Variants in LRBA observed in about 807,000 individuals in gnomAD.
LRBA encodes the protein LPS responsive beige-like anchor protein.
A neutral mutation model predicts 330.0 loss-of-function variants in LRBA; 176 were observed. That is an observed-to-expected ratio of 0.53 (90% CI 0.47 to 0.60). LRBA has a LOEUF of 0.60. LRBA is among the 20% of genes least tolerant of loss of function. The probability of loss-of-function intolerance (pLI) is 0.00; values close to 1 mark genes in which losing one functional copy is unlikely to be tolerated. For missense variants in LRBA, 3,259 were observed against 3,444.8 expected (o/e 0.95, Z 1.35); for synonymous variants, 1,230 against 1,193.0 (o/e 1.03, Z -0.64).
chr4:150,636,788 C>A (rs192818599), intron 37 of LRBA, among the ~76,000 whole-genome samples: 1 of 152,192 alleles, frequency 6.6e-6, no homozygotes, highest in African/African-American at 2.4e-5. Flanking sequence ...ATTGGCACCA[C>A]AGACATGCAC....
Position 150,302,660 on chromosome 4 carries a change from T to C in LRBA, c.7982A>G (p.Asn2661Ser). The C allele has an allele frequency of 5.0e-6, 8 of 1,612,650 alleles. No homozygotes were observed. Among genetic ancestry groups the C allele is most frequent in the Non-Finnish European group, 6.8e-6 (8 of 1,179,174 alleles). The change falls in exon 53 of 57, where the codon AAT becomes AGT. Residue 2661 changes from asparagine to serine, a missense_variant. Transcript: ENST00000651943. ...RDATLLLWYW[N>S]GKCSGIGDNP... is the part of the protein sequence containing the mutation. ...ATCTCCAATCCCACTGCATTTTCCA[T>C]TCCAATACCACAGCAAAAGAGTTGC...
intron 34 of LRBA, among the ~76,000 whole-genome samples, chr4:150,796,986 G>C (rs558330588): frequency 6.6e-6 from 1 of 151,926 alleles, no homozygotes; most frequent in African/African-American, 2.4e-5. Flanking sequence ...TATAGAACAT[G>C]ATTCTCAGTA....
chr4:150,506,625 T>C, intron 40 of LRBA, among the ~76,000 whole-genome samples: 1 of 152,236 alleles, frequency 6.6e-6, no homozygotes, highest in Non-Finnish European at 1.5e-5. Flanking sequence ...AATATCATAC[T>C]GAATGGACAA....
intron 43 of LRBA, among the ~76,000 whole-genome samples, chr4:150,468,336 C>T (rs1453495532): frequency 1.3e-5 from 2 of 152,016 alleles, no homozygotes; most frequent in East Asian, 3.8e-4. Flanking sequence ...TTTTCAAATC[C>T]TATAATCCTC....
rs565221144 is a variant in LRBA at position 150,335,444 on chromosome 4, C to T, written c.7363-9546G>A. ...ACACATATATACATATATATATACACGTATATATGTGTATATATGTGTATA... is the reference window on the plus strand; with the variant it reads ...ACACATATATACATATATATATACATGTATATATGTGTATATATGTGTATA... On this transcript the variant is annotated intron_variant, in intron 48 of 56. Transcript: ENST00000651943. Among the ~76,000 whole-genome samples, 27 of 145,192 alleles carry T rather than the reference C, an allele frequency of 1.9e-4. 1 individual carries two copies. Among genetic ancestry groups the T allele is most frequent in the South Asian group, 4.3e-4 (2 of 4,604 alleles).
intron 28 of LRBA, among the ~76,000 whole-genome samples, chr4:150,842,344 T>C (rs1380766636): frequency 1.3e-5 from 2 of 152,100 alleles, no homozygotes; most frequent in Admixed American, 1.3e-4. Flanking sequence ...CAGGCTGTAG[T>C]GACACAATCA....
intron 40 of LRBA, among the ~76,000 whole-genome samples, chr4:150,496,587 G>A (rs1035296302): frequency 1.3e-5 from 2 of 151,812 alleles, no homozygotes; most frequent in African/African-American, 2.4e-5. Context: ...TCAAAAAAAA[G>A]AAATACTTAC....
Position 150,302,731 on chromosome 4 carries a change from C to T in LRBA, c.7911G>A (p.Glu2637=), listed in dbSNP as rs2126848406. The change falls in exon 53 of 57, where the codon GAG becomes GAA. Residue 2637 remains glutamate, a synonymous_variant. Transcript: ENST00000651943. The stretch of plus-strand genomic sequence containing the variant: ...TGTAGCAATTTCCCCCAATATATGA[C>T]TCAGAACGAGCAAGGCAAGTGACGA... ...WDVVTCLARS[E]SYIGGNCYIL... 3.1e-6 allele frequency: 5 copies of T among 1,611,432 alleles called. No homozygotes were observed. In the African/African-American group the frequency reaches 5.3e-5, roughly 17 times the overall value.
intron 47 of LRBA, among the ~76,000 whole-genome samples, chr4:150,371,958 G>C (rs899877272): frequency 2.0e-5 from 3 of 152,094 alleles, no homozygotes; most frequent in Admixed American, 6.5e-5. Flanking sequence ...GATAGCTTCA[G>C]CATTTCATCT....
Position 150,936,602 on chromosome 4 carries a change from T to C in LRBA, c.217-7537A>G, listed in dbSNP as rs985531438. ...TAGTAATTCCATAATTATATAATGA[T>C]TATAACTTCAAAATAACTTTTTAGT... On this transcript the variant is annotated intron_variant, in intron 2 of 56. Transcript: ENST00000651943. Among the ~76,000 whole-genome samples, 25 of 152,082 alleles carry C rather than the reference T, an allele frequency of 1.6e-4. 1 individual carries two copies. The highest frequency in any genetic ancestry group is 4.6e-4 in the African/African-American group (19 of 41,550).
intron 40 of LRBA, among the ~76,000 whole-genome samples, chr4:150,551,777 G>C (rs1766627857): frequency 6.6e-6 from 1 of 152,136 alleles, no homozygotes; most frequent in South Asian, 2.1e-4. Flanking sequence ...GAAAATGACT[G>C]TTAAGTCCCA....
At chr4:150,780,631 G>A (rs1416899242) in intron 34 of LRBA, among the ~76,000 whole-genome samples, 4 of 136,950 alleles carry the variant, frequency 2.9e-5, no homozygotes, top group South Asian at 4.4e-4. Flanking sequence ...ATATATACAC[G>A]TATATATATA....
chr4:150,837,836 G>C (rs1748388063), intron 28 of LRBA, among the ~76,000 whole-genome samples: 3 of 152,192 alleles, frequency 2.0e-5, no homozygotes, highest in African/African-American at 7.2e-5. Context: ...CTGTCATTAT[G>C]ATGTTAGCTG....
intron 2 of LRBA, among the ~76,000 whole-genome samples, chr4:151,004,120 T>C (rs1477445052): frequency 6.6e-6 from 1 of 152,084 alleles, no homozygotes; most frequent in Non-Finnish European, 1.5e-5. Context: ...GGTTTCGCCA[T>C]GCTGCCCAAC....
chr4:150,669,115 T>C (rs914948967), intron 37 of LRBA, among the ~76,000 whole-genome samples: 1 of 152,210 alleles, frequency 6.6e-6, no homozygotes, highest in Non-Finnish European at 1.5e-5. Context: ...ACACAGTTTA[T>C]AAAATCTGTG....
At chr4:150,949,377 T>C (rs1045843958) in intron 2 of LRBA, among the ~76,000 whole-genome samples, 1 of 151,994 alleles carries the variant, frequency 6.6e-6, no homozygotes, top group Non-Finnish European at 1.5e-5. Flanking sequence ...GACAAAAATA[T>C]AGAAATTGAG....
At chr4:150,699,181 T>TCA (rs1784899880) in intron 36 of LRBA, among the ~76,000 whole-genome samples, 1 of 152,062 alleles carries the variant, frequency 6.6e-6, no homozygotes, top group Admixed American at 6.6e-5. Context: ...AAAAGAGCTC[T>TCA]CACTGTTGGA....
intron 37 of LRBA, among the ~76,000 whole-genome samples, chr4:150,621,623 A>C (rs1776299756): frequency 1.3e-5 from 2 of 152,218 alleles, no homozygotes; most frequent in Admixed American, 1.3e-4. Context: ...CTAACACCTT[A>C]AAAGTGCTAC....
intron 34 of LRBA, 50 bp downstream of exon 34, chr4:150,798,031 A>G (rs1741053904): frequency 8.1e-7 from 1 of 1,235,166 alleles, no homozygotes; most frequent in Non-Finnish European, 1.2e-6. Context: ...CATGAAAACA[A>G]ATTCATGTGA....
Sources: gnomAD v4.1 joint callset for allele counts (sites outside exome capture counted in the v4.1 genomes callset) on GRCh38, gnomAD v4.1.1 for gene constraint, MANE v1.5 for transcripts, NCBI Gene and HGNC (gene_info 2026-07-23, HGNC 2026-07-21) for gene names.